The following CNTNAP2 variants were observed in gnomAD, a reference collection of about 807,000 sequenced individuals.
The protein encoded by CNTNAP2 is contactin associated protein 2.
CNTNAP2 carries 98 observed loss-of-function variants against 155.2 expected under a neutral mutation model. The ratio of observed to expected loss-of-function variants is 0.63; its 90% CI spans 0.54 to 0.75. CNTNAP2 has a LOEUF of 0.75. CNTNAP2 is among the 30% of genes least tolerant of loss of function. The probability of loss-of-function intolerance (pLI) is 0.00; values close to 1 mark genes in which losing one functional copy is unlikely to be tolerated. For synonymous variants in CNTNAP2, 651 were observed against 631.2 expected (o/e 1.03, Z -0.47); for missense variants, 1,727 against 1,688.1 (o/e 1.02, Z -0.40).
At chr7:147,700,049 A>G (rs1445462086) in intron 13 of CNTNAP2, among the ~76,000 whole-genome samples, 2 of 152,048 alleles carry the variant, frequency 1.3e-5, no homozygotes, top group African/African-American at 2.4e-5. Flanking sequence ...AAAATGTATT[A>G]TTTTCCTGCT....
chr7:147,452,291 G>A (rs1458750472), intron 10 of CNTNAP2, among the ~76,000 whole-genome samples: 1 of 152,080 alleles, frequency 6.6e-6, no homozygotes, highest in Non-Finnish European at 1.5e-5. Flanking sequence ...TTTTCAGATT[G>A]CATCTTAGAG....
intron 4 of CNTNAP2, among the ~76,000 whole-genome samples, chr7:147,105,248 C>T (rs1011068146): frequency 3.3e-5 from 5 of 151,750 alleles, no homozygotes; most frequent in East Asian, 1.9e-4. Flanking sequence ...TTTGAAAAAG[C>T]GTTTTCTACC....
intron 15 of CNTNAP2, among the ~76,000 whole-genome samples, chr7:148,068,642 G>A (rs990046208): frequency 6.6e-6 from 1 of 152,148 alleles, no homozygotes; most frequent in Non-Finnish European, 1.5e-5. Flanking sequence ...ACTTCATGAG[G>A]TGAGACCAGC....
chr7:147,464,263 C>A (rs1046944848), intron 10 of CNTNAP2, among the ~76,000 whole-genome samples: 4 of 151,876 alleles, frequency 2.6e-5, no homozygotes, highest in Non-Finnish European at 5.9e-5. Flanking sequence ...GTCAGGAGAT[C>A]AAGACCATCC....
At chr7:146,502,114 C>T (rs1797309068) in intron 1 of CNTNAP2, among the ~76,000 whole-genome samples, 1 of 151,166 alleles carries the variant, frequency 6.6e-6, no homozygotes, top group South Asian at 2.1e-4. Flanking sequence ...CTTTATGTGC[C>T]TGGCCTATTT....
chr7:146,146,873 T>C (rs553483138), intron 1 of CNTNAP2, among the ~76,000 whole-genome samples: 2 of 152,294 alleles, frequency 1.3e-5, no homozygotes, highest in African/African-American at 4.8e-5. Flanking sequence ...CATTGCATAG[T>C]CTATATTTCT....
intron 3 of CNTNAP2, among the ~76,000 whole-genome samples, chr7:146,953,551 C>A (rs1368982527): frequency 1.3e-5 from 2 of 151,858 alleles, no homozygotes; most frequent in East Asian, 3.9e-4. Context: ...GTAACGAATT[C>A]CAATTACGAA....
intron 1 of CNTNAP2, among the ~76,000 whole-genome samples, chr7:146,381,814 A>T (rs1795393114): frequency 6.6e-6 from 1 of 152,140 alleles, no homozygotes; most frequent in Admixed American, 6.5e-5. Flanking sequence ...GGAAACACAA[A>T]TACAATCGTA....
chr7:147,344,107 A>G (rs1243576733), intron 9 of CNTNAP2, among the ~76,000 whole-genome samples: 1 of 152,146 alleles, frequency 6.6e-6, no homozygotes, highest in Non-Finnish European at 1.5e-5. Context: ...AATGTCAGAG[A>G]TGAGACTGAG....
intron 1 of CNTNAP2, among the ~76,000 whole-genome samples, chr7:146,755,287 T>C (rs186716548): frequency 1.3e-5 from 2 of 152,146 alleles, no homozygotes; most frequent in East Asian, 3.9e-4. Flanking sequence ...CTGCAATCTA[T>C]AGGAAATTAT....
At chr7:147,916,772 A>T (rs1800170609) in intron 14 of CNTNAP2, among the ~76,000 whole-genome samples, 1 of 152,110 alleles carries the variant, frequency 6.6e-6, no homozygotes, top group Non-Finnish European at 1.5e-5. Context: ...AAAAGTGCAG[A>T]CGCAGCAATT....
At chr7:148,034,029 A>G (rs1462712129) in intron 15 of CNTNAP2, among the ~76,000 whole-genome samples, 1 of 152,200 alleles carries the variant, frequency 6.6e-6, no homozygotes, top group African/African-American at 2.4e-5. Flanking sequence ...GAATAAACAA[A>G]GACATAGTAG....
At chr7:146,834,649 G>C (rs1448471343) in intron 2 of CNTNAP2, among the ~76,000 whole-genome samples, 2 of 152,088 alleles carry the variant, frequency 1.3e-5, no homozygotes, top group Non-Finnish European at 2.9e-5. Flanking sequence ...CAATACACTA[G>C]TTATTTGCTA....
At chr7:146,232,574 T>C (rs1207995429) in intron 1 of CNTNAP2, among the ~76,000 whole-genome samples, 98 of 152,062 alleles carry the variant, frequency 6.4e-4, no homozygotes, top group Admixed American at 6.4e-3. Flanking sequence ...CTATTGTTTT[T>C]TTGGTTTCTG....
intron 13 of CNTNAP2, among the ~76,000 whole-genome samples, chr7:147,788,689 C>G (rs1797772813): frequency 6.6e-6 from 1 of 151,982 alleles, no homozygotes; most frequent in South Asian, 2.1e-4. Context: ...TTTAATAGCT[C>G]CCTTCAGAAA....
intron 8 of CNTNAP2, among the ~76,000 whole-genome samples, chr7:147,158,312 TA>T (rs1157029186): frequency 6.6e-6 from 1 of 152,086 alleles, no homozygotes; most frequent in Non-Finnish European, 1.5e-5. Context: ...CCACCAAGCT[TA>T]AAAAACACCT....
chr7:146,827,763 G>C (rs892845266), intron 2 of CNTNAP2, among the ~76,000 whole-genome samples: 3 of 152,092 alleles, frequency 2.0e-5, no homozygotes, highest in Middle Eastern at 6.8e-3. Context: ...ACTGATGAAG[G>C]CTTCGATCTT....
intron 18 of CNTNAP2, among the ~76,000 whole-genome samples, chr7:148,192,810 C>T (rs1795221574): frequency 6.6e-6 from 1 of 152,156 alleles, no homozygotes; most frequent in African/African-American, 2.4e-5. Context: ...ATTTCAGTTT[C>T]TTCATCCTAT....
chr7:146,702,847 T>C (rs929022804), intron 1 of CNTNAP2, among the ~76,000 whole-genome samples: 1 of 152,140 alleles, frequency 6.6e-6, no homozygotes, highest in Admixed American at 6.6e-5. Context: ...TTAAAGATCA[T>C]ATATAAACAA....
Sources: allele counts gnomAD v4.1 joint callset (sites outside exome capture counted in the v4.1 genomes callset), GRCh38; gene constraint gnomAD v4.1.1; transcripts MANE v1.5; gene names NCBI Gene and HGNC (gene_info 2026-07-23, HGNC 2026-07-21).